Variants in ABCD2 observed in about 807,000 individuals in gnomAD.
ABCD2 encodes ATP binding cassette subfamily D member 2.
ABCD2 carries 36 observed loss-of-function variants against 70.9 expected under a neutral mutation model. That is an observed-to-expected ratio of 0.51 (90% CI 0.39 to 0.67). The LOEUF is 0.67. ABCD2 is among the 30% of genes least tolerant of loss of function. The pLI, the probability that ABCD2 is intolerant of heterozygous loss-of-function variation, is 0.00. For missense variants in ABCD2, 729 were observed against 890.2 expected (o/e 0.82, Z 2.30); for synonymous variants, 304 against 306.9 (o/e 0.99, Z 0.10).
chr12:39,546,326 A>C (rs1941024983), downstream of ABCD2, among the ~76,000 whole-genome samples: 1 of 151,806 alleles, frequency 6.6e-6, no homozygotes, highest in South Asian at 2.1e-4. Flanking sequence ...TCATTTGTTC[A>C]CTCATGCATT....
At chr12:39,604,465 G>T (rs541684053) in intron 4 of ABCD2, among the ~76,000 whole-genome samples, 1 of 151,964 alleles carries the variant, frequency 6.6e-6, no homozygotes, top group Non-Finnish European at 1.5e-5. Flanking sequence ...ACATTAGCTC[G>T]AATTCTATTT....
the ABCD2 span, among the ~76,000 whole-genome samples, chr12:39,533,250 G>A: frequency 6.6e-6 from 1 of 152,110 alleles, no homozygotes; most frequent in Non-Finnish European, 1.5e-5. Flanking sequence ...ATATAAGATT[G>A]AAGAGAAGAG....
At chr12:39,562,437 T>C (rs1391138077) in intron 9 of ABCD2, among the ~76,000 whole-genome samples, 1 of 151,878 alleles carries the variant, frequency 6.6e-6, no homozygotes, top group Non-Finnish European at 1.5e-5. Context: ...ATTTGACAAA[T>C]GTTTATCTAG....
At chr12:39,583,389 A>G (rs551462345) in intron 7 of ABCD2, among the ~76,000 whole-genome samples, 9 of 152,366 alleles carry the variant, frequency 5.9e-5, no homozygotes, top group Admixed American at 5.2e-4. Context: ...GCTGTAAAAT[A>G]GAACATAAAA....
At chr12:39,562,672 G>A (rs1170418959) in intron 9 of ABCD2, among the ~76,000 whole-genome samples, 1 of 151,986 alleles carries the variant, frequency 6.6e-6, no homozygotes, top group Non-Finnish European at 1.5e-5. Context: ...AACAAATAAG[G>A]AAATGGAATC....
At chr12:39,583,108 C>T (rs1259253602) in intron 7 of ABCD2, among the ~76,000 whole-genome samples, 1 of 152,200 alleles carries the variant, frequency 6.6e-6, no homozygotes, top group East Asian at 1.9e-4. Flanking sequence ...TATTTACCCT[C>T]CTCGGCCTCC....
chr12:39,577,450 C>T (rs765764627), intron 8 of ABCD2, among the ~76,000 whole-genome samples: 4 of 152,076 alleles, frequency 2.6e-5, no homozygotes, highest in Admixed American at 6.5e-5. Flanking sequence ...GAATAGGCAA[C>T]ATTCTACGGG....
chr12:39,618,472 T>C (rs1284390292), intron 1 of ABCD2, among the ~76,000 whole-genome samples: 4 of 152,140 alleles, frequency 2.6e-5, no homozygotes, highest in Non-Finnish European at 5.9e-5. Context: ...TCTGAAACTT[T>C]AGAAAAGTTT....
intron 9 of ABCD2, among the ~76,000 whole-genome samples, chr12:39,558,615 T>C (rs6581188): frequency 0.18 from 27,474 of 152,074 alleles, 2,663 homozygotes; most frequent in East Asian, 0.39. Flanking sequence ...TGTTTTGTAG[T>C]TCCTCCTGAG....
intron 6 of ABCD2, among the ~76,000 whole-genome samples, chr12:39,599,320 T>G (rs1216423184): frequency 2.0e-5 from 3 of 152,208 alleles, no homozygotes; most frequent in Admixed American, 6.5e-5. Flanking sequence ...ATAGAAAATT[T>G]TCTTCATAAT....
chr12:39,607,050 G>T (rs1174323357), intron 3 of ABCD2, among the ~76,000 whole-genome samples: 1 of 152,172 alleles, frequency 6.6e-6, no homozygotes, highest in Non-Finnish European at 1.5e-5. Context: ...TCTGCAGGAA[G>T]AATGCGGAAT....
rs1941114209 is a variant in ABCD2 at position 39,553,298 on chromosome 12, A to G, written c.*614T>C. 2 of 152,102 alleles carry G rather than the reference A, an allele frequency of 1.3e-5. No individual in the cohort carries two copies. The highest frequency in any genetic ancestry group is 2.9e-5 in the Non-Finnish European group (2 of 67,932). 9.4% of individuals were successfully genotyped at this position (152,102 alleles called of 1,614,324 possible). A position where few individuals can be genotyped will look rare whatever the true frequency, so the allele number is the denominator to read the frequency against. ...AATTAATTTGTTATATGCCCTCATT[A>G]AGATGCTTAAAGTCCAAAATTTAAA... is the stretch of plus-strand genomic sequence containing the variant. On this transcript the variant is annotated 3_prime_UTR_variant, in exon 10 of 10. Transcript: ENST00000308666.
the ABCD2 span, among the ~76,000 whole-genome samples, chr12:39,532,576 C>A: frequency 6.6e-6 from 1 of 152,092 alleles, no homozygotes; most frequent in African/African-American, 2.4e-5. Context: ...CCATTCCACT[C>A]TTGAGAAGCT....
intron 9 of ABCD2, among the ~76,000 whole-genome samples, chr12:39,571,490 C>A (rs1941447826): frequency 6.6e-6 from 1 of 152,176 alleles, no homozygotes; most frequent in African/African-American, 2.4e-5. Flanking sequence ...ACCACATGAT[C>A]TCACTCATAC....
chr12:39,549,962 T>A (rs1941065118), downstream of ABCD2: 1 of 151,828 alleles, frequency 6.6e-6, no homozygotes, highest in Admixed American at 6.6e-5. Flanking sequence ...GTACTAATAA[T>A]AAATCCAGCT....
chr12:39,570,971 A>C (rs2120585452), intron 9 of ABCD2, among the ~76,000 whole-genome samples: 1 of 152,308 alleles, frequency 6.6e-6, no homozygotes, highest in South Asian at 2.1e-4. Flanking sequence ...GATACACACA[A>C]ATGACAAACA....
At chr12:39,535,156 A>G in the ABCD2 span, among the ~76,000 whole-genome samples, 2 of 152,168 alleles carry the variant, frequency 1.3e-5, no homozygotes, top group East Asian at 3.9e-4. Flanking sequence ...TATAGCCACT[A>G]GAGGGCTATC....
intron 9 of ABCD2, among the ~76,000 whole-genome samples, chr12:39,564,314 G>A (rs1036265933): frequency 1.5e-4 from 23 of 152,038 alleles, no homozygotes; most frequent in South Asian, 8.3e-4. Context: ...TTTAATAATC[G>A]CCATTCTAAC....
the ABCD2 span, among the ~76,000 whole-genome samples, chr12:39,540,613 A>G: frequency 2.0e-5 from 3 of 152,218 alleles, no homozygotes; most frequent in South Asian, 6.2e-4. Flanking sequence ...AAAGTTCAGA[A>G]TAGGAAACAT....
Sources: allele counts gnomAD v4.1 joint callset (sites outside exome capture counted in the v4.1 genomes callset), GRCh38; gene constraint gnomAD v4.1.1; transcripts MANE v1.5; gene names NCBI Gene and HGNC (gene_info 2026-07-23, HGNC 2026-07-21).